NLGN4Y: variants seen among roughly 807,000 people sequenced by gnomAD.
The protein encoded by NLGN4Y is neuroligin-4, Y-linked.
Under a neutral mutation model 8.4 loss-of-function variants are expected in NLGN4Y, and 4 were observed. The ratio of observed to expected loss-of-function variants is 0.48; its 90% CI spans 0.23 to 1.09. The LOEUF (loss-of-function observed/expected upper bound fraction) is 1.09. Ranked by LOEUF, NLGN4Y falls within the 50% of genes least tolerant of loss-of-function variation. The pLI is 0.19. For missense variants in NLGN4Y, 90 were observed against 192.3 expected (o/e 0.47, Z 3.15); for synonymous variants, 35 against 75.6 (o/e 0.46, Z 2.78).
At chrY:14,529,501 T>C (rs2080103745) in intron 1 of NLGN4Y, among the ~76,000 whole-genome samples, 1 of 32,129 alleles carries the variant, frequency 3.1e-5, no homozygotes, top group Non-Finnish European at 7.5e-5. Context: ...CTCTGGAGTA[T>C]GGGACGGGCA....
intron 2 of NLGN4Y, among the ~76,000 whole-genome samples, chrY:14,703,784 C>A: frequency 3.0e-5 from 1 of 32,989 alleles, no homozygotes; most frequent in Non-Finnish European, 7.4e-5. Context: ...ATTGATTCTT[C>A]CTACCCATGA....
chrY:14,781,778 T>A, intron 4 of NLGN4Y, among the ~76,000 whole-genome samples: 1 of 33,859 alleles, frequency 3.0e-5, no homozygotes, highest in Non-Finnish European at 7.3e-5. Flanking sequence ...TCATGTATCA[T>A]TTAAAAAAAT....
chrY:14,656,475 T>A, intron 2 of NLGN4Y, among the ~76,000 whole-genome samples: 1 of 30,686 alleles, frequency 3.3e-5, no homozygotes. Flanking sequence ...TAGTCCTAGC[T>A]ACTTTGGAGG....
intron 1 of NLGN4Y, among the ~76,000 whole-genome samples, chrY:14,543,269 A>G: frequency 5.9e-5 from 2 of 33,908 alleles, no homozygotes; most frequent in African/African-American, 2.3e-4. Context: ...AAATGTCAAA[A>G]TAATATTTTC....
chrY:14,603,831 A>G, intron 1 of NLGN4Y, among the ~76,000 whole-genome samples: 1 of 33,587 alleles, frequency 3.0e-5, no homozygotes, highest in African/African-American at 1.2e-4. Context: ...AGCATTTATT[A>G]TTTGCTTGTG....
intron 1 of NLGN4Y, among the ~76,000 whole-genome samples, chrY:14,578,733 C>T (rs375004911): frequency 3.0e-5 from 1 of 33,207 alleles, no homozygotes; most frequent in African/African-American, 1.2e-4. Context: ...CATCACCTCC[C>T]GCCAGGCACC....
chrY:14,695,382 A>G (rs2080824292), intron 2 of NLGN4Y, among the ~76,000 whole-genome samples: 1 of 33,321 alleles, frequency 3.0e-5, no homozygotes, highest in Non-Finnish European at 7.4e-5. Flanking sequence ...GCACACATGC[A>G]CAGGTTGGCA....
chrY:14,741,615 T>A, intron 4 of NLGN4Y, among the ~76,000 whole-genome samples: 1 of 34,684 alleles, frequency 2.9e-5, no homozygotes, highest in African/African-American at 1.1e-4. Flanking sequence ...AAATGTTTGA[T>A]GTCCTATTTT....
chrY:14,539,661 G>T (rs1603499091), intron 1 of NLGN4Y, among the ~76,000 whole-genome samples: 2 of 23,728 alleles, frequency 8.4e-5, no homozygotes, highest in Non-Finnish European at 1.9e-4. Flanking sequence ...ATTTTCTTTT[G>T]CTTGCTTCAA....
chrY:14,753,906 C>T, intron 4 of NLGN4Y, among the ~76,000 whole-genome samples: 4 of 32,788 alleles, frequency 1.2e-4, no homozygotes, highest in Non-Finnish European at 2.2e-4. Flanking sequence ...CCACCGTCTC[C>T]GCATAGTTTT....
In NLGN4Y at chrY:14,788,530, C is replaced by T. The variant is rs1603504053; in HGVS notation, c.686-35658C>T. On this transcript the variant is annotated intron_variant, in intron 4 of 6. Coordinates refer to ENST00000684976, the MANE Select transcript of NLGN4Y (RefSeq NM_001365588.1). ...TCCTTCCTCATTCTTCAAAGCACAG[C>T]TTTTAATGTTCTGAATCTCTCCAAC... is the stretch of plus-strand genomic sequence containing the variant. Among the ~76,000 whole-genome samples the T allele has an allele frequency of 9.0e-5, 3 of 33,255 alleles. No homozygotes were observed. In the East Asian group the frequency reaches 2.4e-3, roughly 26 times the overall value. The allele number at this position is 33,255 out of a possible 37,273, so 89.2% of individuals were successfully genotyped here. A position where few individuals can be genotyped will look rare whatever the true frequency, so the allele number is the denominator to read the frequency against.
At chrY:14,548,916 C>G (rs781276617) in intron 1 of NLGN4Y, among the ~76,000 whole-genome samples, 1 of 33,341 alleles carries the variant, frequency 3.0e-5, no homozygotes, top group African/African-American at 1.2e-4. Flanking sequence ...TTCCTACTGT[C>G]TCTCTTACTG....
At chrY:14,763,845 G>A (rs904005624) in intron 4 of NLGN4Y, among the ~76,000 whole-genome samples, 1 of 33,095 alleles carries the variant, frequency 3.0e-5, no homozygotes, top group Non-Finnish European at 7.5e-5. Flanking sequence ...CTCCATGCTG[G>A]TAAGGCTGCC....
chrY:14,823,951 C>T, intron 4 of NLGN4Y, among the ~76,000 whole-genome samples: 2 of 33,634 alleles, frequency 5.9e-5, no homozygotes, highest in African/African-American at 2.3e-4. Context: ...TTGCCTTCTA[C>T]ATTAGCCATA....
At chrY:14,650,267 T>C (rs2080625351) in intron 2 of NLGN4Y, among the ~76,000 whole-genome samples, 2 of 32,861 alleles carry the variant, frequency 6.1e-5, no homozygotes, top group Admixed American at 5.6e-4. Flanking sequence ...CAAGATCAGA[T>C]GAGCTCAGGA....
intron 4 of NLGN4Y, among the ~76,000 whole-genome samples, chrY:14,757,287 G>A (rs2081064533): frequency 3.1e-5 from 1 of 32,477 alleles, no homozygotes; most frequent in Admixed American, 2.9e-4. Context: ...AAACCAATGT[G>A]TCCAATCCTT....
chrY:14,617,366 T>C, intron 1 of NLGN4Y, among the ~76,000 whole-genome samples: 1 of 26,415 alleles, frequency 3.8e-5, no homozygotes, highest in South Asian at 1.0e-3. Context: ...TTGAGTCTAT[T>C]TGAGTCTTTG....
intron 1 of NLGN4Y, among the ~76,000 whole-genome samples, chrY:14,542,096 G>A (rs974981034): frequency 6.0e-4 from 20 of 33,203 alleles, no homozygotes; most frequent in Non-Finnish European, 1.2e-3. Flanking sequence ...CAAAGTAAAG[G>A]GATGGAGGAA....
chrY:14,751,449 G>A, intron 4 of NLGN4Y, among the ~76,000 whole-genome samples: 1 of 32,860 alleles, frequency 3.0e-5, no homozygotes, highest in Non-Finnish European at 7.4e-5. Context: ...GAAACTCACT[G>A]TGTGTTTATT....
Sources: allele counts gnomAD v4.1 joint callset (sites outside exome capture counted in the v4.1 genomes callset), GRCh38; gene constraint gnomAD v4.1.1; transcripts MANE v1.5; gene names NCBI Gene and HGNC (gene_info 2026-07-23, HGNC 2026-07-21).